Variants in CAMTA1 observed in about 807,000 individuals in gnomAD.
CAMTA1 encodes calmodulin-binding transcription activator 1.
CAMTA1 carries 27 observed loss-of-function variants against 170.9 expected under a neutral mutation model. The ratio of observed to expected loss-of-function variants is 0.16; its 90% CI spans 0.12 to 0.22. The LOEUF is 0.22. Among genes scored for constraint, CAMTA1 ranks in the 10% least tolerant of loss-of-function variants. CAMTA1 has a pLI of 1.00. For synonymous variants in CAMTA1, 833 were observed against 891.5 expected, an observed-to-expected ratio of 0.93 and a Z score of 1.17; for missense variants, 1,619 against 2,217.2, an observed-to-expected ratio of 0.73 and a Z score of 5.42.
chr1:6,878,146 A>G (rs1276173888), intron 3 of CAMTA1, among the ~76,000 whole-genome samples: 1 of 152,248 alleles, frequency 6.6e-6, no homozygotes, highest in African/African-American at 2.4e-5. Flanking sequence ...CGATCTTGCA[A>G]ACATGCAAAG....
rs1359043429 is a variant in CAMTA1 at position 7,234,291 on chromosome 1, C to G, written c.303-15200C>G. On this transcript the variant is annotated intron_variant, in intron 4 of 22. Transcript: ENST00000303635. This position sits in a 1 kb window ranked among gnomAD's most constrained non-coding sequence, Gnocchi z 5.0. ...CAGGGAGCCAGCATTCATGTCCTTG[C>G]CTTCGCCTCCGCTTCCACCCAGATG... Among the ~76,000 whole-genome samples the G allele has an allele frequency of 6.6e-6, 1 of 152,224 alleles. No individual in the cohort carries two copies. Among genetic ancestry groups the G allele is most frequent in the African/African-American group, 2.4e-5 (1 of 41,460 alleles).
intron 6 of CAMTA1, among the ~76,000 whole-genome samples, chr1:7,584,480 G>A (rs960853879): frequency 3.9e-5 from 6 of 152,108 alleles, no homozygotes; most frequent in African/African-American, 1.2e-4. Context: ...ATTCTCCCAC[G>A]ACAGAGAGGG....
intron 3 of CAMTA1, among the ~76,000 whole-genome samples, chr1:7,003,559 C>T (rs993115672): frequency 2.6e-5 from 4 of 152,206 alleles, no homozygotes; most frequent in African/African-American, 9.7e-5. Flanking sequence ...CTTACCAGTA[C>T]ATGCCTAGAG....
rs995393490 is a variant in CAMTA1 at position 7,532,116 on chromosome 1, C to T, written c.510+64215C>T. On this transcript the variant is annotated intron_variant, in intron 6 of 22. Transcript: ENST00000303635. This position sits in a 1 kb window ranked among gnomAD's most constrained non-coding sequence, Gnocchi z 4.2. ...CAGAAAAGGAGGCAGGTGACTCCAG[C>T]GGTACCTGGAGGCTCCCGGGCCCAC... is the stretch of plus-strand genomic sequence containing the variant. Among the ~76,000 whole-genome samples, 2 of 151,954 alleles carry T rather than the reference C, an allele frequency of 1.3e-5. No individual in the cohort carries two copies. Among genetic ancestry groups the T allele is most frequent in the Non-Finnish European group, 2.9e-5 (2 of 68,016 alleles).
At chr1:7,763,946 C>T (rs1052054080) in intron 22 of CAMTA1, among the ~76,000 whole-genome samples, 15 of 152,244 alleles carry the variant, frequency 9.9e-5, no homozygotes, top group African/African-American at 2.6e-4. Context: ...GGCATGCACA[C>T]GCTGCAGAAA....
chr1:7,684,639 C>A (rs2096243059), intron 11 of CAMTA1, among the ~76,000 whole-genome samples: 1 of 152,164 alleles, frequency 6.6e-6, no homozygotes, highest in Non-Finnish European at 1.5e-5. Context: ...TTTAAGGACA[C>A]CAGTCATTGG....
rs147384457 is a variant in CAMTA1 at position 7,011,937 on chromosome 1, C to G, written c.235-79367C>G. On this transcript the variant is annotated intron_variant, in intron 3 of 22. Transcript: ENST00000303635. ...AACATGTCTCTCCGCCCCACTCCTC[C>G]AATTTCCCCTGATGCCCCTGAGACT... Among the ~76,000 whole-genome samples the G allele has an allele frequency of 3.2e-3, 483 of 152,312 alleles. 4 individuals carry two copies. Among genetic ancestry groups the G allele is most frequent in the African/African-American group, 0.011 (461 of 41,564 alleles).
intron 3 of CAMTA1, chr1:6,871,956 G>A (rs188816156): frequency 3.1e-6 from 4 of 1,278,636 alleles, no homozygotes; most frequent in Non-Finnish European, 4.0e-6. Flanking sequence ...ACCCCTTTGA[G>A]TGATAAATTT....
intron 4 of CAMTA1, among the ~76,000 whole-genome samples, chr1:7,177,953 C>T (rs2148868366): frequency 6.6e-6 from 1 of 151,892 alleles, no homozygotes; most frequent in South Asian, 2.1e-4. Context: ...CACACGGAGG[C>T]TCCTCCCACA....
At chr1:7,133,080 A>G (rs997358448) in intron 4 of CAMTA1, among the ~76,000 whole-genome samples, 3 of 152,120 alleles carry the variant, frequency 2.0e-5, no homozygotes, top group African/African-American at 7.2e-5. Context: ...CTGGTTTTAT[A>G]TCGGGGTAAT....
At chr1:7,051,889 C>G (rs1265329295) in intron 3 of CAMTA1, among the ~76,000 whole-genome samples, 1 of 152,244 alleles carries the variant, frequency 6.6e-6, no homozygotes, top group South Asian at 2.1e-4. Context: ...CCCTCCCACC[C>G]CAGCTCCTGG....
At chr1:7,322,012 G>GGGTTAGGGTTA (rs1678495280) in intron 5 of CAMTA1, among the ~76,000 whole-genome samples, 1 of 152,198 alleles carries the variant, frequency 6.6e-6, no homozygotes, top group Non-Finnish European at 1.5e-5. Flanking sequence ...GGGTTTGCTA[G>GGGTTAGGGTTA]CTCTAGTAGG....
intron 3 of CAMTA1, among the ~76,000 whole-genome samples, chr1:6,956,611 G>A (rs1003916806): frequency 1.1e-4 from 16 of 152,314 alleles, no homozygotes; most frequent in South Asian, 2.1e-4. Flanking sequence ...ACTTGTCGGT[G>A]GCAGCAGTAC....
intron 5 of CAMTA1, among the ~76,000 whole-genome samples, chr1:7,340,581 C>G: frequency 6.9e-6 from 1 of 144,804 alleles, no homozygotes; most frequent in East Asian, 2.1e-4. Context: ...TTCCTTCCAT[C>G]CTTCCATCCT....
At chr1:7,266,412 A>G (rs1418041811) in intron 5 of CAMTA1, among the ~76,000 whole-genome samples, 1 of 152,228 alleles carries the variant, frequency 6.6e-6, no homozygotes, top group East Asian at 1.9e-4. Context: ...TTAGAGACAA[A>G]GGGATGTCTG....
chr1:7,112,299 C>T (rs1644107845), intron 4 of CAMTA1, among the ~76,000 whole-genome samples: 1 of 152,174 alleles, frequency 6.6e-6, no homozygotes, highest in South Asian at 2.1e-4. Context: ...GGACTTTTTT[C>T]TTTGTATCCC....
rs1475126786 is a variant in CAMTA1, at chr1:7,570,055, T to G, written c.511-70345T>G. Reference sequence around the variant, plus strand: ...AAAGACTGTATCAATTTAAAATGGCTTTTGCTTTGATCATTAGGGGTCCTG... The same window carrying G: ...AAAGACTGTATCAATTTAAAATGGCGTTTGCTTTGATCATTAGGGGTCCTG... On this transcript the variant is annotated intron_variant, in intron 6 of 22. Transcript: ENST00000303635. This position sits in a 1 kb window ranked among gnomAD's most constrained non-coding sequence, Gnocchi z 4.3. Among the ~76,000 whole-genome samples the G allele has an allele frequency of 2.0e-5, 3 of 152,204 alleles. No homozygotes were observed. The highest frequency in any genetic ancestry group is 4.4e-5 in the Non-Finnish European group (3 of 68,036).
intron 4 of CAMTA1, among the ~76,000 whole-genome samples, chr1:7,157,444 G>T (rs1261122475): frequency 2.0e-5 from 3 of 151,826 alleles, no homozygotes; most frequent in African/African-American, 7.3e-5. Context: ...CTGATAAAAG[G>T]TAGCTATCAA....
At chr1:7,351,676 C>T (rs2084685541) in intron 5 of CAMTA1, among the ~76,000 whole-genome samples, 1 of 152,164 alleles carries the variant, frequency 6.6e-6, no homozygotes, top group African/African-American at 2.4e-5. Context: ...GGGCATCGTC[C>T]CCTCTCACCT....
Sources: allele counts gnomAD v4.1 joint callset (sites outside exome capture counted in the v4.1 genomes callset), GRCh38; gene constraint gnomAD v4.1.1; non-coding constraint Gnocchi (gnomAD v3.1); transcripts MANE v1.5; gene names NCBI Gene and HGNC (gene_info 2026-07-23, HGNC 2026-07-21).